Variants in QPCT observed in about 807,000 individuals in gnomAD.
The protein encoded by QPCT is EC.
In QPCT, 44 loss-of-function variants were observed where a neutral mutation model predicts 43.4. The observed-to-expected ratio is 1.01, with a 90% CI of 0.80 to 1.30. The LOEUF is 1.30. Ranked by LOEUF, QPCT falls within the 50% of genes most tolerant of loss-of-function variation. The pLI, the probability that QPCT is intolerant of heterozygous loss-of-function variation, is 0.00. For synonymous variants in QPCT, 168 were observed against 168.4 expected (o/e 1.00, Z 0.02); for missense variants, 526 against 436.5 (o/e 1.21, Z -1.83).
chr2:37,366,913 T>C (rs1672976128), intron 3 of QPCT, among the ~76,000 whole-genome samples: 1 of 152,196 alleles, frequency 6.6e-6, no homozygotes, highest in African/African-American at 2.4e-5. Flanking sequence ...CCCTCCTGTA[T>C]GGGAAGTGGG....
chr2:37,372,086 A>T (rs1307624867), intron 5 of QPCT, among the ~76,000 whole-genome samples: 4 of 151,292 alleles, frequency 2.6e-5, no homozygotes, highest in African/African-American at 4.9e-5. Flanking sequence ...CTATCTCTTC[A>T]CTGTTCTGTG....
intron 5 of QPCT, 54 bp downstream of exon 5, chr2:37,369,838 A>T: frequency 2.1e-6 from 3 of 1,436,462 alleles, no homozygotes; most frequent in Non-Finnish European, 2.9e-6. Context: ...ACTGACAGAT[A>T]CTACATTTTT....
In QPCT at chr2:37,372,437, T is replaced by A. The variant is rs759418916; in HGVS notation, c.905T>A (p.Val302Glu). The part of the protein sequence containing the change: ...RYFQNYSYGG[V>E]IQDDHIPFLR... ...TTCCAGAATTACAGTTATGGAGGTG[T>A]GATTCAGGATGACCATATTCCATTT... The change falls in exon 6 of 7, where the codon GTG (valine) becomes GAG (glutamate). Residue 302 changes from valine to glutamate, a missense_variant. Val to Glu is a moderately radical substitution (Grantham distance 121). Coordinates refer to ENST00000338415, the MANE Select transcript of QPCT (RefSeq NM_012413.4). The A allele has an allele frequency of 6.2e-7, 1 of 1,614,016 alleles. No homozygotes were observed. Among genetic ancestry groups the A allele is most frequent in the Non-Finnish European group, 8.5e-7 (1 of 1,179,894 alleles).
intron 2 of QPCT, among the ~76,000 whole-genome samples, chr2:37,356,656 T>A (rs997568395): frequency 6.6e-6 from 1 of 152,118 alleles, no homozygotes; most frequent in African/African-American, 2.4e-5. Context: ...AATTTGATCG[T>A]TTATAAAGAC....
At chr2:37,367,173 A>C (rs77377312) in intron 3 of QPCT, 59 bp from the exon 4 acceptor site, 2 of 1,499,916 alleles carry the variant, frequency 1.3e-6, no homozygotes, top group African/African-American at 1.4e-5. Context: ...ATAGAAAATC[A>C]TGCTATTTTT....
chr2:37,358,181 G>A (rs1364513271), intron 2 of QPCT, among the ~76,000 whole-genome samples: 1 of 150,342 alleles, frequency 6.7e-6, no homozygotes, highest in African/African-American at 2.4e-5. Flanking sequence ...GGGAGGCCGA[G>A]GCGGATGGAT....
intron 2 of QPCT, among the ~76,000 whole-genome samples, chr2:37,358,443 A>G (rs958530429): frequency 2.0e-5 from 3 of 151,892 alleles, no homozygotes; most frequent in African/African-American, 4.9e-5. Flanking sequence ...TTAAACAACA[A>G]AACAAAACAA....
intron 4 of QPCT, 149 bp from the exon 5 acceptor site, chr2:37,369,536 T>A: frequency 1.6e-6 from 1 of 630,202 alleles, no homozygotes; most frequent in East Asian, 2.7e-5. Context: ...TAGCATAAAA[T>A]GTTAGTAAAT....
Position 37,352,818 on chromosome 2 carries a change from A to T in QPCT, c.150A>T (p.Ser50=), listed in dbSNP as rs1672650410. 6.2e-7 allele frequency: 1 copy of T among 1,614,056 alleles called. No individual in the cohort carries two copies. Among genetic ancestry groups the T allele is most frequent in the African/African-American group, 1.3e-5 (1 of 74,938 alleles). ...ACCACCAGCCAGCCATTTTGAATTC[A>T]TCGGCTCTTCGGCAAATTGCAGAAG... is the stretch of plus-strand genomic sequence containing the variant. ...KNYHQPAILN[S]SALRQIAEGT... Residue 50 remains serine (S), a synonymous_variant, in exon 2 of 7, where the codon TCA becomes TCT. Coordinates refer to ENST00000338415, the MANE Select transcript of QPCT (RefSeq NM_012413.4).
chr2:37,344,952 A>G, intron 1 of QPCT, 101 bp downstream of exon 1: 2 of 1,433,418 alleles, frequency 1.4e-6, no homozygotes, highest in South Asian at 1.4e-5. Flanking sequence ...GAGGCGGGGC[A>G]GGGCCACGGT....
chr2:37,367,661 C>T (rs1249485937), intron 4 of QPCT, among the ~76,000 whole-genome samples: 2 of 152,028 alleles, frequency 1.3e-5, no homozygotes, highest in Non-Finnish European at 2.9e-5. Flanking sequence ...CACTTGAGCC[C>T]AGGAGTTCGA....
At chr2:37,361,224 C>A (rs531106951) in intron 3 of QPCT, among the ~76,000 whole-genome samples, 1 of 152,212 alleles carries the variant, frequency 6.6e-6, no homozygotes, top group African/African-American at 2.4e-5. Flanking sequence ...TATGTTTTAA[C>A]TAAATTGGTA....
chr2:37,352,754 G>A (rs763468281), intron 1 of QPCT, 35 bp from the exon 2 acceptor site: 2 of 1,606,276 alleles, frequency 1.2e-6, no homozygotes, highest in Non-Finnish European at 1.7e-6. Flanking sequence ...TGTTATGAAA[G>A]GATAGCTAGT....
chr2:37,357,450 A>G (rs1311420581), intron 2 of QPCT, among the ~76,000 whole-genome samples: 1 of 152,134 alleles, frequency 6.6e-6, no homozygotes, highest in East Asian at 1.9e-4. Context: ...TTCTCATTAA[A>G]TCAATTCATA....
rs1672438293 is a variant in QPCT, at chr2:37,344,640, A to G, written c.-92A>G. The G allele has an allele frequency of 6.7e-7, 1 of 1,499,610 alleles. No individual in the cohort carries two copies. Among genetic ancestry groups the G allele is most frequent in the African/African-American group, 1.4e-5 (1 of 71,116 alleles). The allele number at this position is 1,499,610 out of a possible 1,614,324, so 92.9% of individuals were successfully genotyped here. On this transcript the variant is annotated 5_prime_UTR_variant, in exon 1 of 7. Coordinates refer to ENST00000338415, the MANE Select transcript of QPCT (RefSeq NM_012413.4). ...TGGGAAGGCGGGCGCAGTCGACCCA[A>G]GGGTGGAGAAGAGGGAAGGCGAAGG...
At chr2:37,344,932 G>C in intron 1 of QPCT, 81 bp downstream of exon 1, 1 of 1,455,860 alleles carries the variant, frequency 6.9e-7, no homozygotes, top group Non-Finnish European at 9.0e-7. Context: ...GCCCTACCTA[G>C]GCAGAGCGGG....
At chr2:37,368,852 A>G (rs971544305) in intron 4 of QPCT, among the ~76,000 whole-genome samples, 2 of 152,188 alleles carry the variant, frequency 1.3e-5, no homozygotes, top group African/African-American at 4.8e-5. Context: ...TTTTTTCCAG[A>G]AACAAACCCT....
chr2:37,348,651 CT>C (rs1259132658), intron 1 of QPCT, among the ~76,000 whole-genome samples: 2 of 152,204 alleles, frequency 1.3e-5, no homozygotes, highest in African/African-American at 4.8e-5. Flanking sequence ...TTAAAACCCT[CT>C]TTAAAACCAC....
chr2:37,354,855 C>A (rs531248226), intron 2 of QPCT, among the ~76,000 whole-genome samples: 1 of 152,060 alleles, frequency 6.6e-6, no homozygotes, highest in African/African-American at 2.4e-5. Flanking sequence ...TTGCCCAGAG[C>A]GCTGTATATA....
Sources: allele counts gnomAD v4.1 joint callset (sites outside exome capture counted in the v4.1 genomes callset), GRCh38; gene constraint gnomAD v4.1.1; transcripts MANE v1.5; gene names NCBI Gene and HGNC (gene_info 2026-07-23, HGNC 2026-07-21).